DGKK: variants seen among roughly 807,000 people sequenced by gnomAD.
DGKK encodes diacylglycerol kinase kappa.
Under a neutral mutation model 92.2 loss-of-function variants are expected in DGKK, and 35 were observed. That is an observed-to-expected ratio of 0.38 (90% confidence interval 0.29 to 0.50). The LOEUF (loss-of-function observed/expected upper bound fraction) is 0.50. Among genes scored for constraint, DGKK ranks in the 20% least tolerant of loss-of-function variants. The pLI is 0.92. For missense variants in DGKK, 910 were observed against 992.2 expected, an observed-to-expected ratio of 0.92 and a Z score of 1.11; for synonymous variants, 368 against 360.6, an observed-to-expected ratio of 1.02 and a Z score of -0.23.
At chrX:50,378,909 A>AT (rs1209120339) in intron 20 of DGKK, among the ~76,000 whole-genome samples, 1 of 112,437 alleles carries the variant, frequency 8.9e-6, no homozygotes, top group Non-Finnish European at 1.9e-5. Context: ...ATCCAGCATC[A>AT]TAAATACCTG....
intron 13 of DGKK, among the ~76,000 whole-genome samples, chrX:50,387,988 G>C (rs1378614889): frequency 8.9e-5 from 10 of 112,110 alleles, no homozygotes; most frequent in Non-Finnish European, 1.9e-5. Flanking sequence ...GGTTCAATCA[G>C]CTATGTTTCA....
chrX:50,404,943 T>C (rs781858652), intron 4 of DGKK, among the ~76,000 whole-genome samples: 1 of 111,209 alleles, frequency 9.0e-6, no homozygotes, highest in Admixed American at 9.5e-5. Context: ...GACAGTTTCA[T>C]CTCAGGGGAT....
chrX:50,378,150 C>T lies in DGKK; in HGVS notation c.3059G>A (p.Gly1020Asp). Residue 1020 changes from glycine (G) to aspartate (D), a missense_variant, in exon 22 of 28, where the codon GGC (glycine) becomes GAC (aspartate). By Grantham distance (94) the Gly-to-Asp change is moderately conservative (BLOSUM62 -1). Coordinates refer to ENST00000611977, the MANE Select transcript of DGKK (RefSeq NM_001013742.4). The part of the protein sequence containing the change: ...VDGEAWIQRP[G>D]LIKIRYKNAA... ...GTTCTTGTATCTAATTTTGATAAGG[C>T]CTGGTCTCTGAATCCAGGCCTCCCC... 8.3e-7 allele frequency: 1 copy of T among 1,210,714 alleles called. No individual in the cohort carries two copies. The highest frequency in any genetic ancestry group is 1.1e-6 in the Non-Finnish European group (1 of 894,969).
intron 11 of DGKK, 100 bp from the exon 12 acceptor site, chrX:50,390,509 T>G: frequency 9.1e-5 from 55 of 606,377 alleles, no homozygotes; most frequent in East Asian, 3.2e-4. Flanking sequence ...GTTTATGTGG[T>G]GGGGGGAGGT....
Position 50,470,472 on chromosome X carries a change from C to G in DGKK, c.207G>C (p.Ala69=). ...PELAPGPCPE[A]TSESATELYT... ...ACAGTTCTGTGGCTGATTCTGAGGT[C>G]GCCTCTGGACAGGGACCTGGAGCAA... Residue 69 remains alanine (A), a synonymous_variant, in exon 1 of 28, where the codon GCG becomes GCC. Coordinates refer to ENST00000611977, the MANE Select transcript of DGKK (RefSeq NM_001013742.4). The G allele has an allele frequency of 8.2e-7, 1 of 1,212,194 alleles. No individual in the cohort carries two copies. The highest frequency in any genetic ancestry group is 1.1e-6 in the Non-Finnish European group (1 of 895,534).
chrX:50,399,133 A>T, intron 8 of DGKK, among the ~76,000 whole-genome samples: 1 of 112,041 alleles, frequency 8.9e-6, no homozygotes, highest in South Asian at 3.7e-4. Context: ...GGGACATATG[A>T]GTATACTTGC....
intron 1 of DGKK, among the ~76,000 whole-genome samples, chrX:50,456,422 A>G (rs1926612838): frequency 8.9e-6 from 1 of 111,875 alleles, no homozygotes; most frequent in Non-Finnish European, 1.9e-5. Context: ...ACACTAAGGT[A>G]ATGAGTCAAG....
At chrX:50,425,357 T>A (rs999251643) in intron 1 of DGKK, among the ~76,000 whole-genome samples, 14 of 110,058 alleles carry the variant, frequency 1.3e-4, no homozygotes, top group Admixed American at 1.9e-4. Context: ...TTCTTTTTTT[T>A]TAAAAAAAAT....
intron 1 of DGKK, among the ~76,000 whole-genome samples, chrX:50,429,410 G>A (rs976324491): frequency 1.8e-4 from 20 of 112,205 alleles, no homozygotes; most frequent in African/African-American, 6.2e-4. Context: ...ATGTATTCTC[G>A]GCCCGGCGAG....
chrX:50,385,213 T>C (rs150201415), intron 15 of DGKK, among the ~76,000 whole-genome samples: 1,891 of 111,785 alleles, frequency 0.017, 45 homozygotes, highest in African/African-American at 0.059. Flanking sequence ...CATTTACTTA[T>C]GTGGCTTTTG....
chrX:50,440,839 C>T (rs1557231228), intron 1 of DGKK, among the ~76,000 whole-genome samples: 1 of 111,948 alleles, frequency 8.9e-6, no homozygotes, highest in African/African-American at 3.2e-5. Context: ...TGAAGATTTG[C>T]TATACCAACA....
chrX:50,390,400 C>T lies in DGKK; in HGVS notation c.1854G>A (p.Val618=), dbSNP rs1557225405. 8.3e-7 allele frequency: 1 copy of T among 1,208,600 alleles called. No individual in the cohort carries two copies. Among genetic ancestry groups the T allele is most frequent in the Admixed American group, 2.2e-5 (1 of 46,031 alleles). The change falls in exon 12 of 28, where the codon GTG becomes GTA. Residue 618 remains valine (V), a synonymous_variant. Coordinates refer to ENST00000611977, the MANE Select transcript of DGKK (RefSeq NM_001013742.4). ...ASVRILDRWS[V]MIRETPRQTP... is the part of the protein sequence containing the mutation. ...TTTGTCTGGGAGTCTCACGAATCATCACACTCCATCTGAAATGAATTTCAA... is the reference window on the plus strand; with the variant it reads ...TTTGTCTGGGAGTCTCACGAATCATTACACTCCATCTGAAATGAATTTCAA...
At chrX:50,369,093 AAG>A in intron 27 of DGKK, 74 bp from the exon 28 acceptor site, 1 of 782,384 alleles carries the variant, frequency 1.3e-6, no homozygotes, top group South Asian at 2.4e-5. Context: ...GTGGACCCAA[AAG>A]AGAGCAAAAA....
At position 50,380,044 on chromosome X, in the gene DGKK, A is replaced by C. The variant is rs1557224294; in HGVS notation, c.2691T>G (p.Leu897=). Residue 897 remains leucine, a synonymous_variant, in exon 19 of 28, where the codon CTT becomes CTG. Coordinates refer to ENST00000611977, the MANE Select transcript of DGKK (RefSeq NM_001013742.4). ...SRLKNKMWYG[L]LGTKELLQRS... is the part of the protein sequence containing the mutation. Reference sequence around the variant, plus strand: ...GCTGCAAAAGTTCTTTGGTTCCCAGAAGGCCATACCACATCTTGTTCTTAA... The same window carrying C: ...GCTGCAAAAGTTCTTTGGTTCCCAGCAGGCCATACCACATCTTGTTCTTAA... The C allele has an allele frequency of 8.3e-7, 1 of 1,211,770 alleles. No individual in the cohort carries two copies. Among genetic ancestry groups the C allele is most frequent in the Non-Finnish European group, 1.1e-6 (1 of 895,299 alleles).
intron 4 of DGKK, among the ~76,000 whole-genome samples, chrX:50,416,372 G>A (rs782041724): frequency 4.9e-4 from 55 of 112,139 alleles, no homozygotes; most frequent in Non-Finnish European, 8.6e-4. Context: ...TATTTGTCTA[G>A]TAGTTAAATG....
chrX:50,426,223 C>T (rs979685775), intron 1 of DGKK, among the ~76,000 whole-genome samples: 2 of 111,883 alleles, frequency 1.8e-5, no homozygotes, highest in African/African-American at 6.5e-5. Flanking sequence ...TGGTTGGCTA[C>T]TTTTCCCTTC....
At chrX:50,386,623 G>T (rs1451180962) in intron 14 of DGKK, 37 bp from the exon 15 acceptor site, 1 of 1,123,484 alleles carries the variant, frequency 8.9e-7, no homozygotes, top group South Asian at 1.9e-5. Flanking sequence ...ATTGTTATGA[G>T]GGACCCATGC....
intron 3 of DGKK, among the ~76,000 whole-genome samples, chrX:50,421,640 T>C (rs782370099): frequency 7.1e-5 from 8 of 112,178 alleles, no homozygotes; most frequent in Non-Finnish European, 1.5e-4. Flanking sequence ...CCCTCAGTTT[T>C]ACCCTGTGTC....
chrX:50,402,739 G>C (rs1318486886), intron 7 of DGKK, among the ~76,000 whole-genome samples: 3 of 111,747 alleles, frequency 2.7e-5, no homozygotes, highest in Non-Finnish European at 5.6e-5. Flanking sequence ...GAATGAGAAA[G>C]GGAGTAGGTT....
Sources: gnomAD v4.1 joint callset for allele counts (sites outside exome capture counted in the v4.1 genomes callset) on GRCh38, gnomAD v4.1.1 for gene constraint, MANE v1.5 for transcripts, NCBI Gene and HGNC (gene_info 2026-07-23, HGNC 2026-07-21) for gene names.